SIMC1: variants seen among roughly 807,000 people sequenced by gnomAD.
SIMC1 encodes the protein SUMO interacting motifs containing 1.
In SIMC1, 55 loss-of-function variants were observed where a neutral mutation model predicts 82.3. That is an observed-to-expected ratio of 0.67 (90% CI 0.54 to 0.84). The LOEUF is 0.84. Ranked by LOEUF, SIMC1 falls within the 40% of genes least tolerant of loss-of-function variation. The pLI is 0.00. For missense variants in SIMC1, 915 were observed against 1,107.2 expected (o/e 0.83, Z 2.46); for synonymous variants, 353 against 426.3 (o/e 0.83, Z 2.12).
intron 5 of SIMC1, among the ~76,000 whole-genome samples, chr5:176,315,311 C>T (rs145939583): frequency 1.1e-4 from 17 of 152,196 alleles, no homozygotes; most frequent in Admixed American, 7.9e-4. Flanking sequence ...AGTCGGCTCT[C>T]GAGTGAACTA....
chr5:176,248,449 A>G (rs573501965), intron 1 of SIMC1, among the ~76,000 whole-genome samples: 1 of 152,232 alleles, frequency 6.6e-6, no homozygotes, highest in South Asian at 2.1e-4. Context: ...ACTTTTGCAC[A>G]TTGATTTTGT....
chr5:176,327,883 A>C (rs908816868), intron 7 of SIMC1, among the ~76,000 whole-genome samples: 1 of 152,186 alleles, frequency 6.6e-6, no homozygotes, highest in African/African-American at 2.4e-5. Context: ...GGTGTAATAC[A>C]CTGATTAATT....
At chr5:176,269,714 A>G (rs887350284) in intron 1 of SIMC1, among the ~76,000 whole-genome samples, 11 of 152,310 alleles carry the variant, frequency 7.2e-5, no homozygotes, top group Non-Finnish European at 1.5e-4. Flanking sequence ...ACAAAAATAG[A>G]AAATTACAAA....
chr5:176,344,465 G>GTA (rs1273084187), intron 9 of SIMC1, among the ~76,000 whole-genome samples: 53 of 97,190 alleles, frequency 5.5e-4, no homozygotes, highest in African/African-American at 1.9e-3. Flanking sequence ...GAGGTCAGGA[G>GTA]TATACACACA....
intron 1 of SIMC1, among the ~76,000 whole-genome samples, chr5:176,285,246 C>T (rs1300130309): frequency 6.6e-6 from 1 of 152,164 alleles, no homozygotes; most frequent in Non-Finnish European, 1.5e-5. Flanking sequence ...CAATAAAATA[C>T]TGGCAAACCG....
intron 9 of SIMC1, among the ~76,000 whole-genome samples, chr5:176,340,176 CCT>C (rs1261837383): frequency 1.3e-5 from 2 of 152,300 alleles, no homozygotes; most frequent in Admixed American, 6.5e-5. Context: ...GGTATCACCC[CCT>C]GTTATAGATG....
At chr5:176,279,106 T>G (rs1270007349) in intron 1 of SIMC1, among the ~76,000 whole-genome samples, 3 of 152,100 alleles carry the variant, frequency 2.0e-5, no homozygotes, top group Non-Finnish European at 4.4e-5. Flanking sequence ...AGTAAGCTAT[T>G]GATTGTTGCC....
intron 1 of SIMC1, among the ~76,000 whole-genome samples, chr5:176,281,114 G>C (rs1293673625): frequency 6.6e-6 from 1 of 152,162 alleles, no homozygotes; most frequent in Non-Finnish European, 1.5e-5. Flanking sequence ...ATATTTCTTG[G>C]AAGCTTTGTT....
At chr5:176,241,916 G>A (rs1394354539) in intron 1 of SIMC1, among the ~76,000 whole-genome samples, 1 of 151,946 alleles carries the variant, frequency 6.6e-6, no homozygotes, top group Non-Finnish European at 1.5e-5. Context: ...CATCTCAAGC[G>A]ATTCAGCTTT....
chr5:176,317,854 G>A (rs887922443), intron 5 of SIMC1, among the ~76,000 whole-genome samples: 3 of 152,034 alleles, frequency 2.0e-5, no homozygotes, highest in African/African-American at 7.2e-5. Flanking sequence ...TTGGCATCTT[G>A]AACAAAGAAC....
At chr5:176,294,253 A>G (rs532029890) in intron 2 of SIMC1, among the ~76,000 whole-genome samples, 2 of 150,804 alleles carry the variant, frequency 1.3e-5, no homozygotes, top group East Asian at 2.0e-4. Flanking sequence ...GCTTTTTCCC[A>G]TGTCATTAAA....
chr5:176,290,394 A>G lies in SIMC1; in HGVS notation c.870A>G (p.Pro290=). Residue 290 remains proline, a synonymous_variant, in exon 2 of 10, where the codon CCA becomes CCG. Coordinates refer to ENST00000429602, the MANE Select transcript of SIMC1 (RefSeq NM_001308195.2). ...QDSLGLPQDV[P]GLPQSILHPQ... ...CTCTGGGCCTACCTCAAGATGTGCC[A>G]GGGCTGCCTCAAAGCATATTACATC... The G allele has an allele frequency of 6.2e-7, 1 of 1,613,994 alleles. No individual in the cohort carries two copies.
rs1018041306 is a variant in SIMC1 at position 176,310,633 on chromosome 5, G to A, written c.1735-3058G>A. Among the ~76,000 whole-genome samples, 8 of 152,332 alleles carry A rather than the reference G, an allele frequency of 5.3e-5. No individual in the cohort carries two copies. In the South Asian group the frequency reaches 1.4e-3, roughly 28 times the overall value. On this transcript the variant is annotated intron_variant, in intron 4 of 9. Coordinates refer to ENST00000429602, the MANE Select transcript of SIMC1 (RefSeq NM_001308195.2). ...ATGAAGAACAGATTAATGGTTGCCA[G>A]GGATAGGGACTGGAGGAGGTGTGGG... is the stretch of plus-strand genomic sequence containing the variant.
chr5:176,271,150 A>G (rs1483378434), intron 1 of SIMC1, among the ~76,000 whole-genome samples: 2 of 152,194 alleles, frequency 1.3e-5, no homozygotes, highest in Non-Finnish European at 2.9e-5. Context: ...ACCTGAGGTC[A>G]GGAGTTCGAG....
At chr5:176,334,696 C>T (rs577513567) in intron 7 of SIMC1, among the ~76,000 whole-genome samples, 1 of 152,206 alleles carries the variant, frequency 6.6e-6, no homozygotes, top group African/African-American at 2.4e-5. Flanking sequence ...AGCCCCCTCT[C>T]TTCTATTTTA....
At chr5:176,331,735 A>G (rs1164771429) in intron 7 of SIMC1, among the ~76,000 whole-genome samples, 1 of 151,948 alleles carries the variant, frequency 6.6e-6, no homozygotes, top group African/African-American at 2.4e-5. Flanking sequence ...TTGGGAGGCC[A>G]AGGTGGGCGA....
chr5:176,279,457 T>G (rs1460766837), intron 1 of SIMC1, among the ~76,000 whole-genome samples: 1 of 152,100 alleles, frequency 6.6e-6, no homozygotes. Context: ...GAAGGGTTTT[T>G]TGTGTCTCTA....
intron 1 of SIMC1, among the ~76,000 whole-genome samples, chr5:176,242,300 G>T (rs1761301964): frequency 6.6e-6 from 1 of 151,884 alleles, no homozygotes; most frequent in South Asian, 2.1e-4. Flanking sequence ...AAAATATGCA[G>T]TTGTGAGTTA....
At chr5:176,268,978 A>G (rs1443033179) in intron 1 of SIMC1, among the ~76,000 whole-genome samples, 1 of 152,222 alleles carries the variant, frequency 6.6e-6, no homozygotes, top group Non-Finnish European at 1.5e-5. Flanking sequence ...TTTTCTGACC[A>G]TAATGAAAGT....
Sources: allele counts gnomAD v4.1 joint callset (sites outside exome capture counted in the v4.1 genomes callset), GRCh38; gene constraint gnomAD v4.1.1; transcripts MANE v1.5; gene names NCBI Gene and HGNC (gene_info 2026-07-23, HGNC 2026-07-21).